Variants in DSG3 observed in about 807,000 individuals in gnomAD.
DSG3 encodes the protein desmoglein-3.
DSG3 carries 63 observed loss-of-function variants against 85.9 expected under a neutral mutation model. That is an observed-to-expected ratio of 0.73 (90% CI 0.60 to 0.90). The LOEUF (loss-of-function observed/expected upper bound fraction) is 0.90. DSG3 is among the 40% of genes least tolerant of loss of function. The pLI, the probability that DSG3 is intolerant of heterozygous loss-of-function variation, is 0.00. For missense variants in DSG3, 1,220 were observed against 1,219.9 expected, an observed-to-expected ratio of 1.00 and a Z score of 0.00; for synonymous variants, 447 against 441.9, an observed-to-expected ratio of 1.01 and a Z score of -0.14.
intron 14 of DSG3, among the ~76,000 whole-genome samples, chr18:31,473,786 T>C (rs992009533): frequency 6.6e-6 from 1 of 152,246 alleles, no homozygotes; most frequent in Non-Finnish European, 1.5e-5. Context: ...TAATGTTTTT[T>C]CGTGAAAACA....
At position 31,455,039 on chromosome 18, in the gene DSG3, G is replaced by T. The variant is rs1455848316; in HGVS notation, c.49-1401G>T. 9.7e-5 allele frequency among the ~76,000 whole-genome samples: 14 copies of T among 144,482 alleles called. No individual in the cohort carries two copies. The East Asian group carries it at 2.8e-3, about 29-fold the overall frequency. 94.8% of individuals were successfully genotyped at this position (144,482 alleles called of 152,430 possible). A position where few individuals can be genotyped will look rare whatever the true frequency, so the allele number is the denominator to read the frequency against. ...TCCGTCTCAAAAAAAAAAAAAAAAA[G>T]AATTTAGTAGTAGTGAGGTACATGC... On this transcript the variant is annotated intron_variant, in intron 1 of 15. Transcript: ENST00000257189.
At position 31,472,385 on chromosome 18, in the gene DSG3, C is replaced by A; in HGVS notation, c.1999C>A (p.His667Asn). 1 of 1,614,052 alleles carries A rather than the reference C, an allele frequency of 6.2e-7. No homozygotes were observed. The highest frequency in any genetic ancestry group is 8.5e-7 in the Non-Finnish European group (1 of 1,179,992). Residue 667 changes from histidine to asparagine, a missense_variant, in exon 13 of 16, where the codon CAT (histidine) becomes AAT (asparagine). Coordinates refer to ENST00000257189, the MANE Select transcript of DSG3 (RefSeq NM_001944.3). ...TCCTGATGGCTCAGAAGGAACAATTCATCAGTGGGGAATTGAAGGAGCCCA... is the reference window on the plus strand; with the variant it reads ...TCCTGATGGCTCAGAAGGAACAATTAATCAGTGGGGAATTGAAGGAGCCCA... The part of the protein sequence containing the change: ...PVPDGSEGTI[H>N]QWGIEGAHPE...
In DSG3 at chr18:31,465,332, G is replaced by A. The variant is rs200258412; in HGVS notation, c.1286G>A (p.Arg429His). The A allele has an allele frequency of 1.6e-5, 23 of 1,467,290 alleles. No homozygotes were observed. The Admixed American group carries it at 1.6e-4, about 10-fold the overall frequency. 90.9% of individuals were successfully genotyped at this position (1,467,290 alleles called of 1,614,324 possible). A position where few individuals can be genotyped will look rare whatever the true frequency, so the allele number is the denominator to read the frequency against. ...AASNVKYVMG[R>H]NDGGYLMIDS... Reference sequence around the variant, plus strand: ...TTATGAAACAGATATGTCATGGGACGTAACGATGGTGGATACCTAATGATT... The same window carrying A: ...TTATGAAACAGATATGTCATGGGACATAACGATGGTGGATACCTAATGATT... The change falls in exon 10 of 16, where the codon CGT (arginine) becomes CAT (histidine). Residue 429 changes from arginine (R) to histidine (H), a missense_variant. By Grantham distance (29) the Arg-to-His change is conservative (BLOSUM62 0). Transcript: ENST00000257189.
chr18:31,472,558 T>C, intron 13 of DSG3, 135 bp downstream of exon 13: 1 of 1,264,404 alleles, frequency 7.9e-7, no homozygotes, highest in South Asian at 1.5e-5. Context: ...TGGAGGCTTT[T>C]AGGATTTTAG....
chr18:31,471,313 A>G (rs1373014631), intron 12 of DSG3, among the ~76,000 whole-genome samples: 2 of 152,254 alleles, frequency 1.3e-5, no homozygotes, highest in African/African-American at 4.8e-5. Flanking sequence ...CTTTACCTAT[A>G]TTAATTCAAT....
intron 14 of DSG3, 143 bp downstream of exon 14, chr18:31,472,931 G>C (rs1305749260): frequency 2.8e-6 from 2 of 711,262 alleles, no homozygotes; most frequent in African/African-American, 3.6e-5. Flanking sequence ...GAGAAAAGCT[G>C]TTTTAATATT....
In DSG3 at chr18:31,475,996, C is replaced by T. The variant is rs1289822882; in HGVS notation, c.2736C>T (p.Thr912=). The T allele has an allele frequency of 1.2e-6, 2 of 1,614,080 alleles. No homozygotes were observed. Among genetic ancestry groups the T allele is most frequent in the East Asian group, 2.2e-5 (1 of 44,904 alleles). Residue 912 remains threonine, a synonymous_variant, in exon 16 of 16, where the codon ACC becomes ACT. Coordinates refer to ENST00000257189, the MANE Select transcript of DSG3 (RefSeq NM_001944.3). ...SGSQGASALS[T]SGSVQPAVSI... is the part of the protein sequence containing the mutation. ...GTCAAGGAGCTTCTGCTTTGTCCAC[C>T]TCTGGGTCTGTCCAGCCAGCTGTTT...
rs765240782 is a variant in DSG3, at chr18:31,447,845, A to G, written c.-33A>G. 1 of 1,575,854 alleles carries G rather than the reference A, an allele frequency of 6.3e-7. No homozygotes were observed. Among genetic ancestry groups the G allele is most frequent in the East Asian group, 2.4e-5 (1 of 42,134 alleles). ...GCTGGCAGGATAGAAGCAGCGGCTCACTTGGACTTTTTCACCAGGGAAATC... is the reference window on the plus strand; with the variant it reads ...GCTGGCAGGATAGAAGCAGCGGCTCGCTTGGACTTTTTCACCAGGGAAATC... On this transcript the variant is annotated 5_prime_UTR_variant, in exon 1 of 16. Transcript: ENST00000257189.
intron 8 of DSG3, among the ~76,000 whole-genome samples, chr18:31,461,940 A>G (rs565253675): frequency 6.6e-6 from 1 of 152,350 alleles, no homozygotes; most frequent in South Asian, 2.1e-4. Context: ...AGCTTTTAAT[A>G]TGCTTGGCTA....
At chr18:31,460,737 T>C in intron 6 of DSG3, 96 bp from the exon 7 acceptor site, 1 of 1,136,432 alleles carries the variant, frequency 8.8e-7, no homozygotes, top group Non-Finnish European at 1.2e-6. Flanking sequence ...TACATAAAAT[T>C]GAATATTTCT....
Position 31,459,062 on chromosome 18 carries a change from A to G in DSG3, c.402A>G (p.Gly134=). 1 of 1,613,850 alleles carries G rather than the reference A, an allele frequency of 6.2e-7. No homozygotes were observed. The highest frequency in any genetic ancestry group is 1.1e-5 in the South Asian group (1 of 90,954). ...LITCRALNAQ[G]LDVEKPLILT... Reference sequence around the variant, plus strand: ...CATGTCGGGCTCTAAATGCCCAAGGACTAGATGTAGAGAAACCACTTATAC... The same window carrying G: ...CATGTCGGGCTCTAAATGCCCAAGGGCTAGATGTAGAGAAACCACTTATAC... The change falls in exon 5 of 16, where the codon GGA becomes GGG. Residue 134 remains glycine, a synonymous_variant. Transcript: ENST00000257189.
At chr18:31,450,401 G>A (rs1217356423) in intron 1 of DSG3, among the ~76,000 whole-genome samples, 1 of 152,224 alleles carries the variant, frequency 6.6e-6, no homozygotes, top group Non-Finnish European at 1.5e-5. Context: ...CTGAGGGTCA[G>A]ATTGAAAAGT....
intron 11 of DSG3, among the ~76,000 whole-genome samples, 196 bp from the exon 12 acceptor site, chr18:31,468,893 C>T (rs1253667123): frequency 6.6e-6 from 1 of 152,074 alleles, no homozygotes; most frequent in Non-Finnish European, 1.5e-5. Context: ...CACCTTCCAC[C>T]GTGGGATGAT....
chr18:31,463,469 A>T (rs2072798265), intron 8 of DSG3, among the ~76,000 whole-genome samples: 1 of 152,214 alleles, frequency 6.6e-6, no homozygotes, highest in Admixed American at 6.5e-5. Flanking sequence ...AAGAAAAGTT[A>T]TCCTGGGATT....
In DSG3 at chr18:31,476,654, G is replaced by A. The variant is rs2072890213; in HGVS notation, c.*394G>A. The A allele has an allele frequency of 6.2e-6, 1 of 162,540 alleles. No homozygotes were observed. The highest frequency in any genetic ancestry group is 1.8e-4 in the South Asian group (1 of 5,616). The allele number at this position is 162,540 out of a possible 1,614,324, so 10.1% of individuals were successfully genotyped here. A position where few individuals can be genotyped will look rare whatever the true frequency, so the allele number is the denominator to read the frequency against. On this transcript the variant is annotated 3_prime_UTR_variant, in exon 16 of 16. Transcript: ENST00000257189. ...CTCCATTGCCTTTTCTTATATCATTGATAATGATGTAAGAATCACAAGGGG... is the reference window on the plus strand; with the variant it reads ...CTCCATTGCCTTTTCTTATATCATTAATAATGATGTAAGAATCACAAGGGG...
Position 31,476,943 on chromosome 18 carries a change from G to A in DSG3, c.*683G>A, listed in dbSNP as rs2072892728. ...CACTGCAGTCCGCAGTCCGGCCTGG[G>A]CGACAGAGCGAGACTCCGTCTCAAA... On this transcript the variant is annotated 3_prime_UTR_variant, in exon 16 of 16. Coordinates refer to ENST00000257189, the MANE Select transcript of DSG3 (RefSeq NM_001944.3). The A allele has an allele frequency of 2.0e-5, 3 of 148,228 alleles. No individual in the cohort carries two copies. The Admixed American group carries it at 2.0e-4, about 10-fold the overall frequency. 9.2% of individuals were successfully genotyped at this position (148,228 alleles called of 1,614,324 possible).
Position 31,472,225 on chromosome 18 carries a change from A to G in DSG3, c.1898-59A>G, listed in dbSNP as rs144782216. 970 of 1,602,516 alleles carry G rather than the reference A, an allele frequency of 6.1e-4. 7 individuals carry two copies. In the African/African-American group the frequency reaches 0.012, roughly 19 times the overall value. On this transcript the variant is annotated intron_variant, in intron 12 of 15. Coordinates refer to ENST00000257189, the MANE Select transcript of DSG3 (RefSeq NM_001944.3). ...TTTGTAACATTTCTGAAAAATTATC[A>G]CATTAAATAGTTCCTAAATTAGTCA...
intron 3 of DSG3, among the ~76,000 whole-genome samples, chr18:31,457,850 C>T (rs1169590114): frequency 6.6e-6 from 1 of 151,932 alleles, no homozygotes; most frequent in Non-Finnish European, 1.5e-5. Flanking sequence ...AGGCTGATCT[C>T]GAACTTCTGA....
chr18:31,452,517 C>CAAAAAA (rs35886860), intron 1 of DSG3, among the ~76,000 whole-genome samples: 1 of 51,836 alleles, frequency 1.9e-5, no homozygotes, highest in Non-Finnish European at 4.1e-5. Flanking sequence ...GACTCCGTCT[C>CAAAAAA]AAAAAAAAAA....
Sources: allele counts gnomAD v4.1 joint callset (sites outside exome capture counted in the v4.1 genomes callset), GRCh38; gene constraint gnomAD v4.1.1; transcripts MANE v1.5; gene names NCBI Gene and HGNC (gene_info 2026-07-23, HGNC 2026-07-21).